ADCY5: variants seen among roughly 807,000 people sequenced by gnomAD.
ADCY5 encodes adenylate cyclase 5.
ADCY5 carries 30 observed loss-of-function variants against 119.7 expected under a neutral mutation model. That is an observed-to-expected ratio of 0.25 (90% CI 0.19 to 0.34). ADCY5 has a LOEUF of 0.34. Ranked by LOEUF, ADCY5 falls within the 10% of genes least tolerant of loss-of-function variation. ADCY5 has a pLI of 1.00. For missense variants in ADCY5, 1,324 were observed against 1,775.2 expected, an observed-to-expected ratio of 0.75 and a Z score of 4.57; for synonymous variants, 753 against 762.2, an observed-to-expected ratio of 0.99 and a Z score of 0.20.
chr3:123,418,275 C>T (rs1209761117), intron 1 of ADCY5, among the ~76,000 whole-genome samples: 2 of 152,208 alleles, frequency 1.3e-5, no homozygotes, highest in Non-Finnish European at 2.9e-5. Context: ...CTGGGTGTAT[C>T]TGCAAGGGTA....
chr3:123,284,590 A>G lies in ADCY5; in HGVS notation c.*18T>C. ...GCCTCTGGAGGCCAGGCTGCCTGGC[A>G]CCATTGGCCAACAGCTGCTAACTGA... On this transcript the variant is annotated 3_prime_UTR_variant, in exon 21 of 21. Coordinates refer to ENST00000462833, the MANE Select transcript of ADCY5 (RefSeq NM_183357.3). 6.2e-7 allele frequency: 1 copy of G among 1,614,044 alleles called. No individual in the cohort carries two copies.
intron 1 of ADCY5, chr3:123,418,719 G>A (rs2107634222): frequency 6.6e-6 from 1 of 152,284 alleles, no homozygotes; most frequent in African/African-American, 2.4e-5. Context: ...CACCACATCG[G>A]AGATCAAATT....
At chr3:123,421,901 G>A (rs1158861697) in intron 1 of ADCY5, among the ~76,000 whole-genome samples, 1 of 152,208 alleles carries the variant, frequency 6.6e-6, no homozygotes. Flanking sequence ...CATCCCTGGT[G>A]TGCTAACCAC....
At chr3:123,296,856 G>T in intron 16 of ADCY5, 1 of 702,034 alleles carries the variant, frequency 1.4e-6, no homozygotes, top group Non-Finnish European at 2.3e-6. Flanking sequence ...CAAATCCTAC[G>T]TCTTGTGCCT....
At chr3:123,318,914 G>T (rs1239967332) in intron 10 of ADCY5, among the ~76,000 whole-genome samples, 1 of 152,210 alleles carries the variant, frequency 6.6e-6, no homozygotes, top group Non-Finnish European at 1.5e-5. Context: ...ATGCAACAGA[G>T]AGATCTTGAC....
chr3:123,292,732 G>C (rs1306034232), intron 17 of ADCY5, among the ~76,000 whole-genome samples: 1 of 152,074 alleles, frequency 6.6e-6, no homozygotes, highest in Non-Finnish European at 1.5e-5. Context: ...GGGGTAGGGG[G>C]CATCCCTGTG....
At chr3:123,300,085 T>C in intron 15 of ADCY5, 35 bp downstream of exon 15, 1 of 1,607,604 alleles carries the variant, frequency 6.2e-7, no homozygotes, top group Non-Finnish European at 8.5e-7. Context: ...CAATGTCTCA[T>C]GCCCAGTGGG....
At chr3:123,327,565 T>C in intron 7 of ADCY5, 53 bp downstream of exon 7, 1 of 1,544,152 alleles carries the variant, frequency 6.5e-7, no homozygotes. Flanking sequence ...CACGAAAATG[T>C]TCCTCCCTGG....
chr3:123,355,584 C>T (rs1943011039), intron 1 of ADCY5, among the ~76,000 whole-genome samples: 1 of 151,506 alleles, frequency 6.6e-6, no homozygotes, highest in South Asian at 2.1e-4. Context: ...ATACAGAGGG[C>T]TGAGTGCACC....
intron 12 of ADCY5, among the ~76,000 whole-genome samples, chr3:123,308,300 G>C (rs1041068347): frequency 3.3e-5 from 5 of 151,578 alleles, no homozygotes; most frequent in African/African-American, 1.2e-4. Flanking sequence ...GCCTCCCAAA[G>C]TGCTGGGATT....
At chr3:123,398,254 C>T (rs2107603529) in intron 1 of ADCY5, among the ~76,000 whole-genome samples, 1 of 152,176 alleles carries the variant, frequency 6.6e-6, no homozygotes, top group Non-Finnish European at 1.5e-5. Flanking sequence ...ACCAAGTGCT[C>T]CCCCTGCCCC....
chr3:123,430,463 C>T (rs972997712), intron 1 of ADCY5, among the ~76,000 whole-genome samples: 2 of 152,124 alleles, frequency 1.3e-5, no homozygotes, highest in African/African-American at 4.8e-5. Flanking sequence ...GAAATCACCC[C>T]GAGGCCTCGG....
chr3:123,365,967 A>T (rs1320229750), intron 1 of ADCY5, among the ~76,000 whole-genome samples: 2 of 152,198 alleles, frequency 1.3e-5, no homozygotes, highest in Non-Finnish European at 2.9e-5. Context: ...CAGGGGAGCC[A>T]CTAGCCACAC....
chr3:123,340,485 T>A (rs926426969), intron 3 of ADCY5, among the ~76,000 whole-genome samples: 6 of 152,186 alleles, frequency 3.9e-5, no homozygotes, highest in African/African-American at 1.4e-4. Flanking sequence ...TGATTCCAGC[T>A]GTTTCAAAGA....
chr3:123,414,960 A>G (rs555309142), intron 1 of ADCY5, among the ~76,000 whole-genome samples: 2 of 152,306 alleles, frequency 1.3e-5, no homozygotes, highest in East Asian at 3.9e-4. Context: ...AGGTAGTCAT[A>G]GCCAGAAGCA....
At chr3:123,353,718 C>T (rs905393904) in intron 1 of ADCY5, among the ~76,000 whole-genome samples, 16 of 152,160 alleles carry the variant, frequency 1.1e-4, no homozygotes, top group African/African-American at 3.6e-4. Flanking sequence ...TGTGGGACGT[C>T]GGCTGCCTGG....
At chr3:123,405,690 G>A (rs955045890) in intron 1 of ADCY5, among the ~76,000 whole-genome samples, 3 of 151,850 alleles carry the variant, frequency 2.0e-5, no homozygotes, top group Admixed American at 6.6e-5. Flanking sequence ...GCCAGAGTGC[G>A]GTGGCGCCAT....
chr3:123,308,028 C>CTTTTTTTTTTTTTTTT (rs1178147327), intron 12 of ADCY5, among the ~76,000 whole-genome samples: 1 of 85,658 alleles, frequency 1.2e-5, no homozygotes, highest in Non-Finnish European at 2.1e-5. Flanking sequence ...TTTTCATGCT[C>CTTTTTTTTTTTTTTTT]TTTTTTTTTT....
intron 12 of ADCY5, among the ~76,000 whole-genome samples, chr3:123,306,245 C>G (rs181958186): frequency 1.3e-5 from 2 of 152,304 alleles, no homozygotes; most frequent in South Asian, 2.1e-4. Flanking sequence ...CCATTTATGG[C>G]CCAATGATTT....
Sources: gnomAD v4.1 joint callset for allele counts (sites outside exome capture counted in the v4.1 genomes callset) on GRCh38, gnomAD v4.1.1 for gene constraint, MANE v1.5 for transcripts, NCBI Gene and HGNC (gene_info 2026-07-23, HGNC 2026-07-21) for gene names.